Variants in TMEM38B observed in about 807,000 individuals in gnomAD.
TMEM38B encodes transmembrane protein 38B, also known as trimeric intracellular cation channel type B.
Under a neutral mutation model 28.7 loss-of-function variants are expected in TMEM38B, and 24 were observed. The ratio of observed to expected loss-of-function variants is 0.84; its 90% CI spans 0.61 to 1.18. The LOEUF (loss-of-function observed/expected upper bound fraction) is 1.18, where lower values mean the gene tolerates loss of function less well. Among genes scored for constraint, TMEM38B ranks in the 50% most tolerant of loss-of-function variants. TMEM38B has a pLI of 0.00. For synonymous variants in TMEM38B, 131 were observed against 127.7 expected, an observed-to-expected ratio of 1.03 and a Z score of -0.17; for missense variants, 380 against 350.9, an observed-to-expected ratio of 1.08 and a Z score of -0.66.
At chr9:105,728,866 A>T (rs985674548) in intron 4 of TMEM38B, among the ~76,000 whole-genome samples, 1 of 152,164 alleles carries the variant, frequency 6.6e-6, no homozygotes, top group East Asian at 1.9e-4. Flanking sequence ...TGTTGGCTGC[A>T]TTAATGTCTT....
intron 2 of TMEM38B, among the ~76,000 whole-genome samples, chr9:105,711,250 G>A (rs1050008042): frequency 6.6e-6 from 1 of 151,004 alleles, no homozygotes; most frequent in Non-Finnish European, 1.5e-5. Context: ...AAACCAGCCT[G>A]GCCAACATGG....
At chr9:105,746,218 G>A (rs1027295219) in intron 4 of TMEM38B, among the ~76,000 whole-genome samples, 1 of 140,994 alleles carries the variant, frequency 7.1e-6, no homozygotes, top group Non-Finnish European at 1.5e-5. Flanking sequence ...CATGAGCATG[G>A]AATGTTCTTC....
chr9:105,710,753 T>C, intron 2 of TMEM38B: 1 of 576,900 alleles, frequency 1.7e-6, no homozygotes, highest in Non-Finnish European at 3.4e-6. Flanking sequence ...AACAGAGACA[T>C]GTTGGGGAGA....
chr9:105,747,587 T>A (rs1198307018), intron 4 of TMEM38B, among the ~76,000 whole-genome samples: 4 of 152,340 alleles, frequency 2.6e-5, no homozygotes, highest in South Asian at 2.1e-4. Flanking sequence ...TCAGTTCTGC[T>A]TTGATCTTAG....
intron 2 of TMEM38B, among the ~76,000 whole-genome samples, chr9:105,708,333 A>T (rs974487802): frequency 1.3e-5 from 2 of 152,214 alleles, no homozygotes; most frequent in Non-Finnish European, 2.9e-5. Context: ...TCTAGAGATG[A>T]TTTAAAGTGT....
At chr9:105,699,132 T>C (rs1195774992) in intron 1 of TMEM38B, among the ~76,000 whole-genome samples, 1 of 152,190 alleles carries the variant, frequency 6.6e-6, no homozygotes, top group Non-Finnish European at 1.5e-5. Flanking sequence ...TTGAATAAGA[T>C]ACATTTGTTC....
intron 5 of TMEM38B, among the ~76,000 whole-genome samples, chr9:105,771,780 A>G (rs2133657036): frequency 6.6e-6 from 1 of 152,262 alleles, no homozygotes; most frequent in African/African-American, 2.4e-5. Context: ...TCATTTATGC[A>G]TTTACCTTTC....
At chr9:105,700,753 A>C (rs968232765) in intron 1 of TMEM38B, among the ~76,000 whole-genome samples, 1 of 152,182 alleles carries the variant, frequency 6.6e-6, no homozygotes, top group African/African-American at 2.4e-5. Context: ...CATCCTGGAA[A>C]GGTGACAGCA....
intron 4 of TMEM38B, among the ~76,000 whole-genome samples, chr9:105,723,125 TTAAAA>T (rs1836380449): frequency 2.6e-5 from 4 of 152,306 alleles, no homozygotes; most frequent in Middle Eastern, 3.4e-3. Context: ...TAATTACAGA[TTAAAA>T]TAAGAGAAAG....
rs915669889 is a variant in TMEM38B at position 105,762,930 on chromosome 9, A to C, written c.661-10935A>C. Among the ~76,000 whole-genome samples the C allele has an allele frequency of 2.9e-3, 409 of 140,670 alleles. 1 individual carries two copies. The highest frequency in any genetic ancestry group is 3.7e-3 in the Non-Finnish European group (245 of 66,588). 92.3% of individuals were successfully genotyped at this position (140,670 alleles called of 152,430 possible). ...CCTCTCCAGCACCTGTTGTTTCCTG[A>C]CTTTTTAATGATTGCCATTCTAAGT... is the stretch of plus-strand genomic sequence containing the variant. On this transcript the variant is annotated intron_variant, in intron 5 of 5. Coordinates refer to ENST00000374692, the MANE Select transcript of TMEM38B (RefSeq NM_018112.3).
chr9:105,753,837 G>A (rs1179455869), intron 5 of TMEM38B, among the ~76,000 whole-genome samples: 1 of 152,064 alleles, frequency 6.6e-6, no homozygotes, highest in Non-Finnish European at 1.5e-5. Context: ...AATATAAATG[G>A]GCTAGAGGCC....
intron 4 of TMEM38B, among the ~76,000 whole-genome samples, chr9:105,735,551 G>T (rs1026736662): frequency 2.0e-5 from 3 of 152,170 alleles, no homozygotes; most frequent in African/African-American, 4.8e-5. Flanking sequence ...GAATAGCTTT[G>T]CTGGGTATAG....
chr9:105,727,513 A>G (rs1003889631), intron 4 of TMEM38B, among the ~76,000 whole-genome samples: 1 of 152,212 alleles, frequency 6.6e-6, no homozygotes, highest in African/African-American at 2.4e-5. Context: ...GAATATTTGT[A>G]TTATATACTT....
At chr9:105,766,163 T>C (rs1016383998) in intron 5 of TMEM38B, among the ~76,000 whole-genome samples, 4 of 152,198 alleles carry the variant, frequency 2.6e-5, no homozygotes, top group Non-Finnish European at 5.9e-5. Flanking sequence ...GAAAAGCATA[T>C]GTTTAACTTT....
At chr9:105,716,098 C>G (rs563592239) in intron 2 of TMEM38B, among the ~76,000 whole-genome samples, 1 of 152,142 alleles carries the variant, frequency 6.6e-6, no homozygotes, top group Non-Finnish European at 1.5e-5. Flanking sequence ...GGATCTCTTA[C>G]CTTCCTTGGC....
intron 1 of TMEM38B, among the ~76,000 whole-genome samples, chr9:105,702,303 A>T (rs7046743): frequency 6.6e-6 from 1 of 152,178 alleles, no homozygotes; most frequent in Non-Finnish European, 1.5e-5. Flanking sequence ...AATATGTAAT[A>T]TGTAGAGTTG....
At chr9:105,735,482 A>T (rs535206961) in intron 4 of TMEM38B, among the ~76,000 whole-genome samples, 31 of 152,166 alleles carry the variant, frequency 2.0e-4, no homozygotes, top group Non-Finnish European at 4.3e-4. Context: ...TCTAGTGGTG[A>T]TGAATTCCCT....
At chr9:105,759,120 C>A (rs1180478866) in intron 5 of TMEM38B, 4 of 782,122 alleles carry the variant, frequency 5.1e-6, no homozygotes, top group South Asian at 1.3e-5. Flanking sequence ...TACGAATAAT[C>A]CAACTTATGT....
At chr9:105,741,440 AAT>A (rs1564404915) in intron 4 of TMEM38B, among the ~76,000 whole-genome samples, 1 of 152,316 alleles carries the variant, frequency 6.6e-6, no homozygotes, top group East Asian at 1.9e-4. Context: ...AGAGCCTATA[AAT>A]ATATAGTCTT....
Sources: gnomAD v4.1 joint callset for allele counts (sites outside exome capture counted in the v4.1 genomes callset) on GRCh38, gnomAD v4.1.1 for gene constraint, MANE v1.5 for transcripts, NCBI Gene and HGNC (gene_info 2026-07-23, HGNC 2026-07-21) for gene names.